The following LRRTM4 variants were observed in gnomAD, a reference collection of about 807,000 sequenced individuals.
LRRTM4 encodes the protein leucine-rich repeat transmembrane neuronal protein 4.
LRRTM4 carries 25 observed loss-of-function variants against 47.6 expected under a neutral mutation model. The ratio of observed to expected loss-of-function variants is 0.53; its 90% CI spans 0.38 to 0.73. The LOEUF (loss-of-function observed/expected upper bound fraction) is 0.73. Ranked by LOEUF, LRRTM4 falls within the 30% of genes least tolerant of loss-of-function variation. The pLI is 0.00. For synonymous variants in LRRTM4, 311 were observed against 269.5 expected, an observed-to-expected ratio of 1.15 and a Z score of -1.51; for missense variants, 638 against 713.4, an observed-to-expected ratio of 0.89 and a Z score of 1.20.
At chr2:76,933,388 T>A (rs541851343) in intron 3 of LRRTM4, among the ~76,000 whole-genome samples, 1 of 152,102 alleles carries the variant, frequency 6.6e-6, no homozygotes, top group South Asian at 2.1e-4. Flanking sequence ...GTCATACAAA[T>A]ACCTGCTTGC....
rs114433795 is a variant in LRRTM4, at chr2:77,147,416, G to A, written c.1551+370902C>T. 4.7e-3 allele frequency among the ~76,000 whole-genome samples: 711 copies of A among 152,258 alleles called. 2 individuals are homozygous for A. The highest frequency in any genetic ancestry group is 7.6e-3 in the Non-Finnish European group (514 of 68,004). ...TGCAAGAGAGCAGAGCAGAATTAAT[G>A]GCACAGTGTTTCTCTGTGGACTCCA... On this transcript the variant is annotated intron_variant, in intron 3 of 3. Transcript: ENST00000409884.
intron 3 of LRRTM4, among the ~76,000 whole-genome samples, chr2:77,435,951 A>G (rs1675577480): frequency 6.6e-6 from 1 of 152,182 alleles, no homozygotes; most frequent in Non-Finnish European, 1.5e-5. Flanking sequence ...TAATGGTATA[A>G]TTAGAGAATT....
chr2:77,447,866 A>G (rs954237558), intron 3 of LRRTM4, among the ~76,000 whole-genome samples: 21 of 152,112 alleles, frequency 1.4e-4, no homozygotes, highest in African/African-American at 5.1e-4. Context: ...GTGTTGTTGG[A>G]TTTAGCTCAC....
At chr2:76,863,504 A>G (rs1262468594) in intron 3 of LRRTM4, among the ~76,000 whole-genome samples, 1 of 152,260 alleles carries the variant, frequency 6.6e-6, no homozygotes, top group African/African-American at 2.4e-5. Context: ...AGAGTTTAGT[A>G]ATGTCCTCAA....
intron 3 of LRRTM4, among the ~76,000 whole-genome samples, chr2:77,213,105 A>C (rs1476321000): frequency 6.6e-6 from 1 of 152,190 alleles, no homozygotes; most frequent in Admixed American, 6.6e-5. Context: ...CCTAGACAGC[A>C]GTTAACAACC....
At chr2:76,783,670 C>T (rs115015515) in intron 3 of LRRTM4, among the ~76,000 whole-genome samples, 2,480 of 152,154 alleles carry the variant, frequency 0.016, 68 homozygotes, top group African/African-American at 0.056. Flanking sequence ...AAACTAATTC[C>T]GGGTAAAACT....
At chr2:77,033,350 C>T (rs555649088) in intron 3 of LRRTM4, among the ~76,000 whole-genome samples, 4 of 151,814 alleles carry the variant, frequency 2.6e-5, no homozygotes, top group Admixed American at 2.0e-4. Context: ...AAATCTTTAT[C>T]GAAGTCTAAC....
intron 3 of LRRTM4, among the ~76,000 whole-genome samples, chr2:77,183,850 CAT>C (rs1342866066): frequency 1.3e-5 from 2 of 152,114 alleles, no homozygotes; most frequent in Non-Finnish European, 2.9e-5. Context: ...CCAAACACCA[CAT>C]GTTCTGACTC....
At chr2:76,983,260 T>A (rs994849034) in intron 3 of LRRTM4, among the ~76,000 whole-genome samples, 17 of 152,012 alleles carry the variant, frequency 1.1e-4, no homozygotes, top group Non-Finnish European at 2.4e-4. Context: ...AAATTTCTAA[T>A]CCATTTTATA....
intron 3 of LRRTM4, among the ~76,000 whole-genome samples, chr2:77,115,971 C>A (rs143500574): frequency 2.7e-4 from 41 of 152,260 alleles, no homozygotes; most frequent in African/African-American, 9.4e-4. Context: ...ACTTCCTGAA[C>A]CTTGTCTGCT....
intron 3 of LRRTM4, among the ~76,000 whole-genome samples, chr2:76,994,995 C>A (rs1423552434): frequency 6.6e-5 from 10 of 151,900 alleles, no homozygotes; most frequent in Admixed American, 2.0e-4. Context: ...GAGGAAAGTT[C>A]CAAGGGTAGA....
chr2:77,386,172 C>T (rs1673264652), intron 3 of LRRTM4, among the ~76,000 whole-genome samples: 1 of 151,862 alleles, frequency 6.6e-6, no homozygotes, highest in South Asian at 2.1e-4. Context: ...CATTTGAAGA[C>T]TAAAATACCA....
chr2:77,064,176 T>G (rs1014725519), intron 3 of LRRTM4, among the ~76,000 whole-genome samples: 8 of 152,118 alleles, frequency 5.3e-5, no homozygotes, highest in African/African-American at 1.7e-4. Flanking sequence ...CAGCTTTGGT[T>G]TAACAAAAAG....
At chr2:77,420,605 T>C (rs13404665) in intron 3 of LRRTM4, among the ~76,000 whole-genome samples, 51,200 of 150,666 alleles carry the variant, frequency 0.34, 8,798 homozygotes, top group South Asian at 0.37. Context: ...AATGGAAATA[T>C]GACTTCGTAG....
chr2:76,835,154 A>G (rs367761799), intron 3 of LRRTM4, among the ~76,000 whole-genome samples: 2 of 152,166 alleles, frequency 1.3e-5, no homozygotes, highest in East Asian at 1.9e-4. Flanking sequence ...CAAGTCACCT[A>G]AATTCCCAAA....
intron 3 of LRRTM4, among the ~76,000 whole-genome samples, chr2:77,515,781 A>G (rs1363063307): frequency 6.6e-6 from 1 of 151,864 alleles, no homozygotes; most frequent in Non-Finnish European, 1.5e-5. Flanking sequence ...TCTATTTTGT[A>G]GAGAGATTTT....
chr2:76,899,078 G>C (rs1462546985), intron 3 of LRRTM4, among the ~76,000 whole-genome samples: 2 of 151,820 alleles, frequency 1.3e-5, no homozygotes, highest in Non-Finnish European at 2.9e-5. Context: ...AGAAATATGA[G>C]ACTCTTATGT....
intron 3 of LRRTM4, among the ~76,000 whole-genome samples, chr2:77,002,101 C>T (rs6547113): frequency 0.23 from 34,800 of 152,068 alleles, 4,388 homozygotes; most frequent in East Asian, 0.41. Context: ...CTTTGCAAAT[C>T]TTCAATGTCA....
At chr2:77,168,226 A>G (rs1157670356) in intron 3 of LRRTM4, among the ~76,000 whole-genome samples, 1 of 152,076 alleles carries the variant, frequency 6.6e-6, no homozygotes, top group African/African-American at 2.4e-5. Context: ...CTAGAACTCA[A>G]AGTATACAAA....
Sources: gnomAD v4.1 joint callset for allele counts (sites outside exome capture counted in the v4.1 genomes callset) on GRCh38, gnomAD v4.1.1 for gene constraint, MANE v1.5 for transcripts, NCBI Gene and HGNC (gene_info 2026-07-23, HGNC 2026-07-21) for gene names.